The following SLC35F3 variants were observed in gnomAD, a reference collection of about 807,000 sequenced individuals.
SLC35F3 encodes solute carrier family 35 member F3.
A neutral mutation model predicts 49.9 loss-of-function variants in SLC35F3; 25 were observed. That is an observed-to-expected ratio of 0.50 (90% CI 0.37 to 0.70). The LOEUF is 0.70. Among genes scored for constraint, SLC35F3 ranks in the 30% least tolerant of loss-of-function variants. The probability of loss-of-function intolerance (pLI) is 0.00; values close to 1 mark genes in which losing one functional copy is unlikely to be tolerated. For missense variants in SLC35F3, 525 were observed against 639.8 expected (o/e 0.82, Z 1.94); for synonymous variants, 275 against 265.4 (o/e 1.04, Z -0.35).
At chr1:234,291,806 C>A (rs1444907618) in intron 3 of SLC35F3, among the ~76,000 whole-genome samples, 1 of 152,148 alleles carries the variant, frequency 6.6e-6, no homozygotes, top group Non-Finnish European at 1.5e-5. Context: ...CTTCCAGAAG[C>A]AAAATTGACT....
chr1:234,132,844 C>A (rs182810725), intron 2 of SLC35F3, among the ~76,000 whole-genome samples: 6 of 152,262 alleles, frequency 3.9e-5, no homozygotes, highest in Admixed American at 2.6e-4. Flanking sequence ...CCTTCCCACT[C>A]CAAAATATGA....
intron 3 of SLC35F3, among the ~76,000 whole-genome samples, chr1:234,232,536 A>G (rs984882802): frequency 2.1e-4 from 29 of 138,638 alleles, no homozygotes; most frequent in East Asian, 1.7e-3. Context: ...AAAAAAAAAA[A>G]AAAAGAAAAA....
chr1:234,075,958 A>G (rs1289375330), intron 2 of SLC35F3, among the ~76,000 whole-genome samples: 1 of 152,086 alleles, frequency 6.6e-6, no homozygotes, highest in African/African-American at 2.4e-5. Context: ...TTTTCCATTT[A>G]AATATTGAAG....
chr1:234,313,769 C>A (rs1295303476), intron 4 of SLC35F3, among the ~76,000 whole-genome samples: 1 of 152,074 alleles, frequency 6.6e-6, no homozygotes, highest in East Asian at 1.9e-4. Context: ...ACTGGCCTTC[C>A]TAGAGAGTTT....
In SLC35F3 at chr1:233,918,400, C is replaced by T. The variant is rs1366745830; in HGVS notation, c.283+12642C>T. Among the ~76,000 whole-genome samples, 4 of 152,232 alleles carry T rather than the reference C, an allele frequency of 2.6e-5. No homozygotes were observed. The South Asian group carries it at 6.2e-4, about 24-fold the overall frequency. On this transcript the variant is annotated intron_variant, in intron 2 of 7. Coordinates refer to ENST00000366618, the MANE Select transcript of SLC35F3 (RefSeq NM_173508.4). The stretch of plus-strand genomic sequence containing the variant: ...CCTCAGCAGTGCACTGGGACTGCCT[C>T]ATTTTCTATGTGGAGGTGTCTGTGT...
chr1:233,959,091 A>T (rs1258208372), intron 2 of SLC35F3, among the ~76,000 whole-genome samples: 1 of 152,216 alleles, frequency 6.6e-6, no homozygotes, highest in Non-Finnish European at 1.5e-5. Flanking sequence ...AAAGTAATAC[A>T]TATTTTAATC....
At chr1:233,977,747 TATTAAGTTGC>T (rs1237962087) in intron 2 of SLC35F3, among the ~76,000 whole-genome samples, 1 of 152,190 alleles carries the variant, frequency 6.6e-6, no homozygotes, top group Non-Finnish European at 1.5e-5. Context: ...GATATTTGCT[TATTAAGTTGC>T]CCATAGTATT....
Position 234,007,569 on chromosome 1 carries a change from T to C in SLC35F3, c.283+101811T>C, listed in dbSNP as rs6665570. ...GAACGAAGTGGGGAGCTACCATAAC[T>C]GTCATTGGACCTTCCTCCTGTGACT... On this transcript the variant is annotated intron_variant, in intron 2 of 7. Coordinates refer to ENST00000366618, the MANE Select transcript of SLC35F3 (RefSeq NM_173508.4). 7.9e-3 allele frequency among the ~76,000 whole-genome samples: 1,200 copies of C among 152,368 alleles called. 16 individuals carry two copies. Among genetic ancestry groups the C allele is most frequent in the African/African-American group, 0.028 (1,150 of 41,586 alleles).
intron 2 of SLC35F3, among the ~76,000 whole-genome samples, chr1:234,226,961 G>GCACACACACACACA (rs57809897): frequency 0.025 from 3,658 of 148,674 alleles, 140 homozygotes; most frequent in African/African-American, 0.085. Context: ...GCGCACGCGT[G>GCACACACACACACA]CACACACACA....
At chr1:234,099,874 T>C (rs1665188902) in intron 2 of SLC35F3, among the ~76,000 whole-genome samples, 1 of 152,222 alleles carries the variant, frequency 6.6e-6, no homozygotes, top group African/African-American at 2.4e-5. Context: ...AGTTTGATAT[T>C]GCAAGCCTGC....
intron 2 of SLC35F3, among the ~76,000 whole-genome samples, chr1:233,970,014 C>G (rs1032111697): frequency 6.6e-6 from 1 of 152,214 alleles, no homozygotes; most frequent in Non-Finnish European, 1.5e-5. Context: ...TGCCCTCTGT[C>G]TAAGGGAGGC....
chr1:234,094,153 G>A (rs1665084593), intron 2 of SLC35F3, among the ~76,000 whole-genome samples: 1 of 152,198 alleles, frequency 6.6e-6, no homozygotes, highest in South Asian at 2.1e-4. Context: ...TGGGGACTCA[G>A]CCGCTGCCCA....
At chr1:234,246,680 C>G (rs1011982101) in intron 3 of SLC35F3, among the ~76,000 whole-genome samples, 1 of 152,156 alleles carries the variant, frequency 6.6e-6, no homozygotes, top group African/African-American at 2.4e-5. Flanking sequence ...TCATGTATAA[C>G]CCAAGTCACA....
chr1:233,961,455 CTT>C (rs35494872), intron 2 of SLC35F3, among the ~76,000 whole-genome samples: 4 of 130,452 alleles, frequency 3.1e-5, no homozygotes, highest in African/African-American at 8.5e-5. Flanking sequence ...TTTTTCCTCT[CTT>C]TTTTTTTTTT....
At chr1:234,053,844 C>T (rs1664414733) in intron 2 of SLC35F3, among the ~76,000 whole-genome samples, 1 of 152,176 alleles carries the variant, frequency 6.6e-6, no homozygotes, top group Non-Finnish European at 1.5e-5. Flanking sequence ...CTGGTGGTGA[C>T]AGAATCTCTG....
At chr1:234,043,200 A>C (rs1459262012) in intron 2 of SLC35F3, among the ~76,000 whole-genome samples, 2 of 152,208 alleles carry the variant, frequency 1.3e-5, no homozygotes, top group South Asian at 2.1e-4. Flanking sequence ...CTTACACTTG[A>C]TGTTCATCTT....
At chr1:234,140,182 T>C (rs565295703) in intron 2 of SLC35F3, among the ~76,000 whole-genome samples, 2 of 151,892 alleles carry the variant, frequency 1.3e-5, no homozygotes, top group East Asian at 3.9e-4. Context: ...AGAGCACAAT[T>C]TTAAACCTAT....
Position 233,964,303 on chromosome 1 carries a change from C to T in SLC35F3, c.283+58545C>T, listed in dbSNP as rs545325601. Among the ~76,000 whole-genome samples the T allele has an allele frequency of 1.2e-4, 18 of 152,316 alleles. No individual in the cohort carries two copies. The South Asian group carries it at 3.7e-3, about 32-fold the overall frequency. ...GAGGCGTGCTCAAAATGCACACAGCCATACGTAGAACCTGCCACCCACAGT... is the reference window on the plus strand; with the variant it reads ...GAGGCGTGCTCAAAATGCACACAGCTATACGTAGAACCTGCCACCCACAGT... On this transcript the variant is annotated intron_variant, in intron 2 of 7. Transcript: ENST00000366618.
chr1:234,307,313 G>A (rs1657223497), intron 3 of SLC35F3, among the ~76,000 whole-genome samples: 1 of 152,204 alleles, frequency 6.6e-6, no homozygotes, highest in African/African-American at 2.4e-5. Flanking sequence ...TTGTTCAGAA[G>A]CAACATAGGA....
Sources: allele counts gnomAD v4.1 joint callset (sites outside exome capture counted in the v4.1 genomes callset), GRCh38; gene constraint gnomAD v4.1.1; transcripts MANE v1.5; gene names NCBI Gene and HGNC (gene_info 2026-07-23, HGNC 2026-07-21).